The following CIZ1 variants were observed in gnomAD, a reference collection of about 807,000 sequenced individuals.
CIZ1 encodes the protein cip1-interacting zinc finger protein.
In CIZ1, 58 loss-of-function variants were observed where a neutral mutation model predicts 118.6. That is an observed-to-expected ratio of 0.49 (90% confidence interval 0.40 to 0.61). The LOEUF is 0.61. Ranked by LOEUF, CIZ1 falls within the 20% of genes least tolerant of loss-of-function variation. The pLI, the probability that CIZ1 is intolerant of heterozygous loss-of-function variation, is 0.00. For missense variants in CIZ1, 921 were observed against 1,115.9 expected, an observed-to-expected ratio of 0.83 and a Z score of 2.49; for synonymous variants, 448 against 443.4, an observed-to-expected ratio of 1.01 and a Z score of -0.13.
intron 9 of CIZ1, 126 bp from the exon 10 acceptor site, chr9:128,177,889 C>A: frequency 1.4e-6 from 1 of 701,502 alleles, no homozygotes. Flanking sequence ...AGGCTCTGAG[C>A]TGTTAGCTGA....
intron 5 of CIZ1, among the ~76,000 whole-genome samples, chr9:128,182,221 CT>C (rs1416824918): frequency 1.3e-5 from 2 of 152,074 alleles, no homozygotes; most frequent in African/African-American, 4.8e-5. Context: ...CTACCAGTCT[CT>C]GCGCATTGGT....
At chr9:128,183,922 A>G (rs1014990645) in intron 5 of CIZ1, among the ~76,000 whole-genome samples, 1 of 150,854 alleles carries the variant, frequency 6.6e-6, no homozygotes, top group African/African-American at 2.4e-5. Context: ...ACCCGCCACT[A>G]GGGCCCAGCT....
At chr9:128,180,684 A>T (rs746590919) in intron 6 of CIZ1, 37 bp downstream of exon 6, 2 of 1,503,248 alleles carry the variant, frequency 1.3e-6, no homozygotes, top group Non-Finnish European at 1.8e-6. Flanking sequence ...CACCCCATTC[A>T]TGTCCCTCTG....
At chr9:128,180,110 T>A (rs1056243453) in intron 7 of CIZ1, among the ~76,000 whole-genome samples, 2 of 152,134 alleles carry the variant, frequency 1.3e-5, no homozygotes, top group Non-Finnish European at 2.9e-5. Context: ...CTGACATGTA[T>A]CCAATTGGCT....
chr9:128,197,128 A>G (rs906384601), intron 1 of CIZ1: 1 of 152,244 alleles, frequency 6.6e-6, no homozygotes, highest in African/African-American at 2.4e-5. Flanking sequence ...GTACCTGCCA[A>G]GTTGTCCTCA....
intron 1 of CIZ1, chr9:128,202,639 C>T (rs112819079): frequency 2.0e-5 from 3 of 152,174 alleles, no homozygotes; most frequent in Non-Finnish European, 4.4e-5. Flanking sequence ...AGAACACCCC[C>T]GACTCCTGCC....
chr9:128,193,207 G>A (rs1833281746), upstream of CIZ1, among the ~76,000 whole-genome samples: 2 of 152,192 alleles, frequency 1.3e-5, no homozygotes, highest in African/African-American at 2.4e-5. Flanking sequence ...CCAGGGCCCC[G>A]GGGACGTCGG....
At chr9:128,174,299 A>C (rs1300858284) in intron 11 of CIZ1, among the ~76,000 whole-genome samples, 1 of 152,226 alleles carries the variant, frequency 6.6e-6, no homozygotes, top group Non-Finnish European at 1.5e-5. Flanking sequence ...GACCACAATC[A>C]GATTAACCAG....
chr9:128,189,370 T>C (rs1832846663), intron 3 of CIZ1, among the ~76,000 whole-genome samples: 1 of 152,228 alleles, frequency 6.6e-6, no homozygotes, highest in Non-Finnish European at 1.5e-5. Context: ...ACCACATCCA[T>C]GTGGCCCTGA....
intron 14 of CIZ1, among the ~76,000 whole-genome samples, chr9:128,168,022 CA>C (rs1219676071): frequency 6.6e-6 from 1 of 152,212 alleles, no homozygotes; most frequent in Non-Finnish European, 1.5e-5. Flanking sequence ...CAGGCCCCCC[CA>C]CCACAACGCT....
upstream of CIZ1, among the ~76,000 whole-genome samples, chr9:128,194,164 C>T (rs1012369530): frequency 1.3e-4 from 20 of 151,942 alleles, no homozygotes; most frequent in Non-Finnish European, 2.9e-4. Context: ...GAGTTCAAGA[C>T]CAGCCTGGCC....
intron 10 of CIZ1, 132 bp from the exon 11 acceptor site, chr9:128,176,607 T>C: frequency 1.1e-6 from 1 of 935,090 alleles, no homozygotes; most frequent in Admixed American, 2.9e-5. Flanking sequence ...TTCTCTCTTG[T>C]GTAGGCTAGA....
intron 14 of CIZ1, chr9:128,167,764 G>C (rs1349638028): frequency 6.5e-6 from 1 of 154,284 alleles, no homozygotes; most frequent in East Asian, 1.9e-4. Context: ...GTCAGCCCTA[G>C]CAGGCCTAGC....
intron 11 of CIZ1, among the ~76,000 whole-genome samples, chr9:128,170,956 T>C (rs1226856454): frequency 6.6e-6 from 1 of 151,884 alleles, no homozygotes; most frequent in Non-Finnish European, 1.5e-5. Context: ...CAAGACCCCA[T>C]CTCTACAAAA....
At chr9:128,200,697 C>T (rs921004032) in intron 1 of CIZ1, among the ~76,000 whole-genome samples, 2 of 151,210 alleles carry the variant, frequency 1.3e-5, no homozygotes, top group Non-Finnish European at 2.9e-5. Context: ...ATTAGCTGGG[C>T]GTGGTGGTGC....
chr9:128,175,322 T>C (rs1251864637), intron 11 of CIZ1, among the ~76,000 whole-genome samples: 1 of 152,188 alleles, frequency 6.6e-6, no homozygotes, highest in Non-Finnish European at 1.5e-5. Flanking sequence ...TTCATCATGA[T>C]ACTAATAGCA....
Position 128,203,385 on chromosome 9 carries a change from G to A in CIZ1, c.-6+801C>T. On this transcript the variant is annotated intron_variant, in intron 1 of 17. Transcript: ENST00000372948. The surrounding 1 kb of genome is among the most constrained non-coding windows in gnomAD (Gnocchi z 5.3). ...GGGGCCCCGCGGCGCAGGCAGTCTG[G>A]GCGCGCGGCTGCAGCGGCGGAGCCG... 7.8e-7 allele frequency: 1 copy of A among 1,276,800 alleles called. No homozygotes were observed. The highest frequency in any genetic ancestry group is 1.0e-6 in the Non-Finnish European group (1 of 1,004,782). The allele number at this position is 1,276,800 out of a possible 1,614,324, so 79.1% of individuals were successfully genotyped here.
chr9:128,200,877 C>T (rs1195122348), intron 1 of CIZ1, among the ~76,000 whole-genome samples: 3 of 150,872 alleles, frequency 2.0e-5, no homozygotes, highest in Non-Finnish European at 3.0e-5. Flanking sequence ...GGCTCATTCC[C>T]GTAATCCCAA....
intron 1 of CIZ1, chr9:128,197,413 A>G (rs1179080405): frequency 2.0e-5 from 3 of 152,310 alleles, no homozygotes; most frequent in African/African-American, 7.2e-5. Context: ...AATAGGCTGT[A>G]TTCAACAACA....
Sources: gnomAD v4.1 joint callset for allele counts (sites outside exome capture counted in the v4.1 genomes callset) on GRCh38, gnomAD v4.1.1 for gene constraint, Gnocchi (gnomAD v3.1) non-coding constraint, MANE v1.5 for transcripts, NCBI Gene and HGNC (gene_info 2026-07-23, HGNC 2026-07-21) for gene names.